CCDC186: variants seen among roughly 807,000 people sequenced by gnomAD.
CCDC186 encodes the protein coiled-coil domain-containing protein 186.
Under a neutral mutation model 113.7 loss-of-function variants are expected in CCDC186, and 49 were observed. The ratio of observed to expected loss-of-function variants is 0.43; its 90% CI spans 0.34 to 0.55. The LOEUF is 0.55. Among genes scored for constraint, CCDC186 ranks in the 20% least tolerant of loss-of-function variants. The probability of loss-of-function intolerance (pLI) is 0.02; values close to 1 mark genes in which losing one functional copy is unlikely to be tolerated. For missense variants in CCDC186, 890 were observed against 1,011.1 expected, an observed-to-expected ratio of 0.88 and a Z score of 1.62; for synonymous variants, 355 against 345.8, an observed-to-expected ratio of 1.03 and a Z score of -0.30.
chr10:114,151,388 T>C (rs1050868946), intron 3 of CCDC186, among the ~76,000 whole-genome samples, 168 bp from the exon 4 acceptor site: 2 of 152,222 alleles, frequency 1.3e-5, no homozygotes, highest in African/African-American at 4.8e-5. Flanking sequence ...TGTCATTTAG[T>C]AAAAATCTGG....
rs894305425 is a variant in CCDC186, at chr10:114,163,250, T to C, written c.19A>G (p.Ile7Val). 6.2e-7 allele frequency: 1 copy of C among 1,611,914 alleles called. No homozygotes were observed. Among genetic ancestry groups the C allele is most frequent in the Non-Finnish European group, 8.5e-7 (1 of 1,179,966 alleles). MSETDHIASTSSDKNVG... is the reference protein window; with the variant it reads MSETDHVASTSSDKNVG... ...TTTTTATCAGAGGAAGTAGAGGCTATGTGGTCTGTCTCTGACATGCTGACT... is the reference window on the plus strand; with the variant it reads ...TTTTTATCAGAGGAAGTAGAGGCTACGTGGTCTGTCTCTGACATGCTGACT... Residue 7 changes from isoleucine to valine, a missense_variant, in exon 2 of 16, where the codon ATA becomes GTA. Coordinates refer to ENST00000369287, the MANE Select transcript of CCDC186 (RefSeq NM_018017.4).
chr10:114,143,112 T>C (rs191203811), intron 6 of CCDC186, among the ~76,000 whole-genome samples: 25 of 152,330 alleles, frequency 1.6e-4, no homozygotes, highest in Non-Finnish European at 2.9e-4. Context: ...ACCAAGTCAA[T>C]ATGCTTGTTC....
chr10:114,138,061 AAAAAAAAAAAAATAAAAAAAAT>A, intron 6 of CCDC186, among the ~76,000 whole-genome samples: 2 of 96,726 alleles, frequency 2.1e-5, no homozygotes, highest in South Asian at 6.7e-4. Flanking sequence ...AAAAAAAAAA[AAAAAAAAAAAAATAAAAAAAAT>A]ACACAAATTA....
At chr10:114,169,073 T>A (rs2032413294) in intron 1 of CCDC186, among the ~76,000 whole-genome samples, 1 of 152,206 alleles carries the variant, frequency 6.6e-6, no homozygotes, top group African/African-American at 2.4e-5. Flanking sequence ...TACAGTATTA[T>A]GAATTCTACA....
At chr10:114,149,847 AGGC>A (rs2031791706) in intron 4 of CCDC186, among the ~76,000 whole-genome samples, 6 of 123,492 alleles carry the variant, frequency 4.9e-5, no homozygotes, top group Non-Finnish European at 1.7e-5. Flanking sequence ...GAAGGCAGGC[AGGC>A]AGGCAGGAAG....
intron 1 of CCDC186, among the ~76,000 whole-genome samples, chr10:114,169,473 C>T (rs2032433014): frequency 1.3e-5 from 2 of 151,972 alleles, no homozygotes; most frequent in South Asian, 4.2e-4. Flanking sequence ...GAACTCCTGA[C>T]CTCAAGCAAT....
intron 6 of CCDC186, among the ~76,000 whole-genome samples, chr10:114,142,469 A>G (rs1394633775): frequency 1.3e-5 from 2 of 152,268 alleles, no homozygotes; most frequent in Non-Finnish European, 2.9e-5. Context: ...AGGTAGGTGA[A>G]TAAGTAGCAA....
chr10:114,163,103 G>A lies in CCDC186; in HGVS notation c.166C>T (p.Pro56Ser), dbSNP rs530868710. Residue 56 changes from proline (P) to serine (S), a missense_variant, in exon 2 of 16, where the codon CCT becomes TCT. Physicochemically the swap from Pro to Ser is moderately conservative, Grantham distance 74. Transcript: ENST00000369287. Reference sequence around the variant, plus strand: ...TCAATTCGATTATTATGCTCATTAGGTTGACATAAAGTTTTATCAGTGTTT... The same window carrying A: ...TCAATTCGATTATTATGCTCATTAGATTGACATAAAGTTTTATCAGTGTTT... ...SLNTDKTLCQ[P>S]NEHNNRIEAQ... 6.2e-7 allele frequency: 1 copy of A among 1,613,930 alleles called. No individual in the cohort carries two copies. Among genetic ancestry groups the A allele is most frequent in the Non-Finnish European group, 8.5e-7 (1 of 1,179,956 alleles).
At chr10:114,164,098 GTGTGTATA>G (rs1362718547) in intron 1 of CCDC186, among the ~76,000 whole-genome samples, 23 of 122,482 alleles carry the variant, frequency 1.9e-4, no homozygotes, top group African/African-American at 5.3e-4. Flanking sequence ...GTGTGTGTGT[GTGTGTATA>G]TATATATATT....
At chr10:114,141,852 G>C (rs182396910) in intron 6 of CCDC186, among the ~76,000 whole-genome samples, 5 of 152,234 alleles carry the variant, frequency 3.3e-5, no homozygotes, top group African/African-American at 1.2e-4. Flanking sequence ...AACTCTCCAG[G>C]AATACCTCAT....
intron 3 of CCDC186, among the ~76,000 whole-genome samples, chr10:114,156,619 C>A (rs998663580): frequency 1.3e-5 from 2 of 152,060 alleles, no homozygotes; most frequent in East Asian, 3.9e-4. Context: ...CCCAGGTACT[C>A]CCGAGGCTGA....
intron 1 of CCDC186, among the ~76,000 whole-genome samples, 166 bp from the exon 2 acceptor site, chr10:114,163,495 C>T (rs1352820751): frequency 6.6e-6 from 1 of 152,146 alleles, no homozygotes; most frequent in African/African-American, 2.4e-5. Flanking sequence ...GACAGCTAAC[C>T]CAAGCTGGCT....
rs1005453550 is a variant in CCDC186, at chr10:114,124,384, T to C, written c.*759A>G. 4 of 152,172 alleles carry C rather than the reference T, an allele frequency of 2.6e-5. No individual in the cohort carries two copies. Among genetic ancestry groups the C allele is most frequent in the East Asian group, 1.9e-4 (1 of 5,202 alleles). The allele number at this position is 152,172 out of a possible 1,614,324, so 9.4% of individuals were successfully genotyped here. A position where few individuals can be genotyped will look rare whatever the true frequency, so the allele number is the denominator to read the frequency against. On this transcript the variant is annotated 3_prime_UTR_variant, in exon 16 of 16. Transcript: ENST00000369287. The stretch of plus-strand genomic sequence containing the variant: ...AGAACTATTCTCTCTGTTCTAATGA[T>C]TGGATCCATTTCACAATTTAAAATA...
In CCDC186 at chr10:114,132,597, A is replaced by G. The variant is rs76416212; in HGVS notation, c.1656-413T>C. On this transcript the variant is annotated intron_variant, in intron 10 of 15. Coordinates refer to ENST00000369287, the MANE Select transcript of CCDC186 (RefSeq NM_018017.4). ...TGCAATTGTTCCACTCTGCCATTGT[A>G]CTATGAAAACTGCCACAGATATTAC... 8.4e-3 allele frequency among the ~76,000 whole-genome samples: 1,284 copies of G among 152,310 alleles called. 20 individuals are homozygous for G. The highest frequency in any genetic ancestry group is 0.029 in the African/African-American group (1,198 of 41,568).
Position 114,136,153 on chromosome 10 carries a change from G to T in CCDC186, c.1420C>A (p.Leu474Ile). 1 of 1,611,112 alleles carries T rather than the reference G, an allele frequency of 6.2e-7. No individual in the cohort carries two copies. Among genetic ancestry groups the T allele is most frequent in the South Asian group, 1.1e-5 (1 of 91,026 alleles). ...EKQMQEKSDQ[L>I]EMHHAKIKEL... ...TAAAGAGCAAAACTACTCACCTCTA[G>T]CTGGTCAGATTTTTCTTGCATTTGT... is the stretch of plus-strand genomic sequence containing the variant. The change falls in exon 8 of 16, where the codon CTA (leucine) becomes ATA (isoleucine). Residue 474 changes from leucine (L) to isoleucine (I), a missense_variant. Leu to Ile is a conservative substitution (Grantham distance 5). Transcript: ENST00000369287.
rs1452469021 is a variant in CCDC186 at position 114,164,109 on chromosome 10, TATA to T, written c.-61-783_-61-781del. On this transcript the variant is annotated intron_variant, in intron 1 of 15. Transcript: ENST00000369287. ...GTGTGTGTGTGTGTGTGTGTATATA[TATA>T]TATTTTTTTTTTTTTTTTTTTTTTT... Among the ~76,000 whole-genome samples, 23 of 133,260 alleles carry T rather than the reference TATA, an allele frequency of 1.7e-4. 1 individual carries two copies. The highest frequency in any genetic ancestry group is 6.7e-4 in the African/African-American group (23 of 34,076). The allele number at this position is 133,260 out of a possible 152,430, so 87.4% of individuals were successfully genotyped here.
intron 2 of CCDC186, among the ~76,000 whole-genome samples, chr10:114,159,432 CAA>C (rs1564916653): frequency 1.3e-5 from 2 of 151,926 alleles, no homozygotes; most frequent in African/African-American, 4.8e-5. Context: ...ATCATGAGGT[CAA>C]GAGACCGAGA....
Position 114,135,933 on chromosome 10 carries a change from TG to T in CCDC186, c.1469del (p.Thr490AsnfsTer9). On this transcript the variant is annotated frameshift_variant, in exon 9 of 16. Transcript: ENST00000369287. LOFTEE classifies it high-confidence loss of function. The stretch of plus-strand genomic sequence containing the variant: ...TTAACTCATCCATACCCTCCTTAAA[TG>T]TTCTCTTCAGATCTTCTAGTTCCTT... ...KIKELEDLKR[T>X]FKEGMDELRT... The T allele has an allele frequency of 1.2e-6, 2 of 1,613,388 alleles. No individual in the cohort carries two copies. The highest frequency in any genetic ancestry group is 1.7e-6 in the Non-Finnish European group (2 of 1,179,648).
chr10:114,143,343 A>G (rs907343041), intron 6 of CCDC186, among the ~76,000 whole-genome samples: 1 of 152,224 alleles, frequency 6.6e-6, no homozygotes, highest in Non-Finnish European at 1.5e-5. Flanking sequence ...AGTACCACAG[A>G]TATCAGACAT....
Sources: gnomAD v4.1 joint callset for allele counts (sites outside exome capture counted in the v4.1 genomes callset) on GRCh38, gnomAD v4.1.1 for gene constraint, MANE v1.5 for transcripts, NCBI Gene and HGNC (gene_info 2026-07-23, HGNC 2026-07-21) for gene names.